Variants in MACROD1 observed in about 807,000 individuals in gnomAD.
MACROD1 encodes mono-ADP ribosylhydrolase 1.
MACROD1 carries 31 observed loss-of-function variants against 41.4 expected under a neutral mutation model. The ratio of observed to expected loss-of-function variants is 0.75; its 90% confidence interval spans 0.56 to 1.01. The LOEUF (loss-of-function observed/expected upper bound fraction) is 1.01, where lower values mean the gene tolerates loss of function less well. Ranked by LOEUF, MACROD1 falls within the 50% of genes least tolerant of loss-of-function variation. MACROD1 has a pLI of 0.00. For synonymous variants in MACROD1, 252 were observed against 203.4 expected (o/e 1.24, Z -2.03); for missense variants, 473 against 460.0 (o/e 1.03, Z -0.26).
At chr11:64,079,274 T>G (rs1471444333) in intron 3 of MACROD1, among the ~76,000 whole-genome samples, 1 of 151,978 alleles carries the variant, frequency 6.6e-6, no homozygotes. Context: ...CTCCCACCTG[T>G]GCTGTGTGCA....
At chr11:64,004,481 G>C (rs1451744297) in intron 4 of MACROD1, among the ~76,000 whole-genome samples, 2 of 152,184 alleles carry the variant, frequency 1.3e-5, no homozygotes, top group African/African-American at 2.4e-5. Context: ...CAAGCAGGCA[G>C]GGGCTAATTA....
chr11:64,104,418 T>C (rs547997571), intron 3 of MACROD1, among the ~76,000 whole-genome samples: 1 of 151,838 alleles, frequency 6.6e-6, no homozygotes, highest in Non-Finnish European at 1.5e-5. Flanking sequence ...GTGGTCCCCG[T>C]GCTGCTGGGC....
intron 3 of MACROD1, among the ~76,000 whole-genome samples, chr11:64,110,748 G>A (rs371151410): frequency 3.9e-5 from 6 of 152,174 alleles, no homozygotes; most frequent in Non-Finnish European, 5.9e-5. Flanking sequence ...ACGCAAGGGC[G>A]ACAAGCGATC....
In MACROD1 at chr11:64,064,670, C is replaced by T. The variant is rs2622417; in HGVS notation, c.518-49389G>A. Among the ~76,000 whole-genome samples the T allele has an allele frequency of 2.9e-4, 39 of 136,340 alleles. No homozygotes were observed. The highest frequency in any genetic ancestry group is 3.5e-3 in the Middle Eastern group (1 of 288). 89.4% of individuals were successfully genotyped at this position (136,340 alleles called of 152,430 possible). A position where few individuals can be genotyped will look rare whatever the true frequency, so the allele number is the denominator to read the frequency against. On this transcript the variant is annotated intron_variant, in intron 3 of 10. Coordinates refer to ENST00000255681, the MANE Select transcript of MACROD1 (RefSeq NM_014067.4). This position sits in a 1 kb window ranked among gnomAD's most constrained non-coding sequence, Gnocchi z 4.5. The stretch of plus-strand genomic sequence containing the variant: ...TAGGGGCCTCTGGCAGGACATTAAA[C>T]GGCACCGAGATAGAAGGAGGGGGGC...
chr11:64,059,372 A>G (rs1229968012), intron 3 of MACROD1, among the ~76,000 whole-genome samples: 1 of 152,198 alleles, frequency 6.6e-6, no homozygotes, highest in Non-Finnish European at 1.5e-5. Flanking sequence ...AGAGGCTCGC[A>G]GCCCAGCAGG....
Position 64,116,361 on chromosome 11 carries a change from C to G in MACROD1, c.517+34878G>C, listed in dbSNP as rs1042224142. On this transcript the variant is annotated intron_variant, in intron 3 of 10. Transcript: ENST00000255681. Reference sequence around the variant, plus strand: ...GATGACCACGGCCACCATGGACCTGCGGGACTGGCTGTTCCTCTGCTACGG... The same window carrying G: ...GATGACCACGGCCACCATGGACCTGGGGGACTGGCTGTTCCTCTGCTACGG... The G allele has an allele frequency of 3.1e-6, 5 of 1,612,958 alleles. No individual in the cohort carries two copies. Among genetic ancestry groups the G allele is most frequent in the Non-Finnish European group, 3.4e-6 (4 of 1,179,760 alleles).
At chr11:64,058,159 G>A (rs1565213112) in intron 3 of MACROD1, among the ~76,000 whole-genome samples, 2 of 152,256 alleles carry the variant, frequency 1.3e-5, no homozygotes. Context: ...TGGGATAGAC[G>A]GTGGAATGCT....
At chr11:64,071,927 T>G (rs913309157) in intron 3 of MACROD1, among the ~76,000 whole-genome samples, 1 of 152,150 alleles carries the variant, frequency 6.6e-6, no homozygotes, top group African/African-American at 2.4e-5. Context: ...CCAGTGACAC[T>G]TCTAGGTCCC....
intron 3 of MACROD1, among the ~76,000 whole-genome samples, chr11:64,128,948 G>A (rs1328412013): frequency 1.3e-5 from 2 of 152,226 alleles, no homozygotes; most frequent in Non-Finnish European, 2.9e-5. Context: ...TGAGTACAAG[G>A]AGGATGATTC....
intron 10 of MACROD1, 68 bp downstream of exon 10, chr11:63,998,770 G>C: frequency 7.0e-7 from 1 of 1,436,418 alleles, no homozygotes; most frequent in Non-Finnish European, 9.1e-7. Flanking sequence ...CTGCTTGGGG[G>C]TGAGCGGGGG....
intron 1 of MACROD1, among the ~76,000 whole-genome samples, chr11:64,164,378 G>A (rs781510153): frequency 1.3e-5 from 2 of 152,226 alleles, no homozygotes; most frequent in South Asian, 2.1e-4. Context: ...GGCAGCCCTC[G>A]AGCAGGTGCC....
intron 3 of MACROD1, among the ~76,000 whole-genome samples, chr11:64,113,560 G>GGGCA (rs1944901415): frequency 6.7e-6 from 1 of 149,450 alleles, no homozygotes; most frequent in African/African-American, 2.5e-5. Flanking sequence ...ATGGATGGAT[G>GGGCA]GACAGGTGGA....
At chr11:64,092,021 T>C (rs1319333750) in intron 3 of MACROD1, among the ~76,000 whole-genome samples, 1 of 152,144 alleles carries the variant, frequency 6.6e-6, no homozygotes, top group Non-Finnish European at 1.5e-5. Context: ...CCCCACGTGA[T>C]CTCAGCTCCT....
rs954129306 is a variant in MACROD1, at chr11:64,122,699, C to T, written c.517+28540G>A. Among the ~76,000 whole-genome samples, 1 of 152,182 alleles carries T rather than the reference C, an allele frequency of 6.6e-6. No homozygotes were observed. Among genetic ancestry groups the T allele is most frequent in the Non-Finnish European group, 1.5e-5 (1 of 68,032 alleles). On this transcript the variant is annotated intron_variant, in intron 3 of 10. Coordinates refer to ENST00000255681, the MANE Select transcript of MACROD1 (RefSeq NM_014067.4). The surrounding 1 kb of genome is among the most constrained non-coding windows in gnomAD (Gnocchi z 4.0). ...TGTGCTAGGGAGGGGTCCAGCGTCA[C>T]TCAGGAAACTGGTGCTCCAGAGGCC...
chr11:64,046,291 G>A (rs1037822444), intron 3 of MACROD1, among the ~76,000 whole-genome samples: 1 of 152,206 alleles, frequency 6.6e-6, no homozygotes. Context: ...GAACCTTCTA[G>A]TAGCAAACTT....
chr11:64,120,617 A>G lies in MACROD1; in HGVS notation c.517+30622T>C, dbSNP rs1016112006. Among the ~76,000 whole-genome samples, 4 of 152,076 alleles carry G rather than the reference A, an allele frequency of 2.6e-5. No individual in the cohort carries two copies. The highest frequency in any genetic ancestry group is 5.9e-5 in the Non-Finnish European group (4 of 68,000). ...GGAGAATCGCTTGAACCAGGGAGGC[A>G]GAGGCTGCAGTGAACCGAGATTGCG... On this transcript the variant is annotated intron_variant, in intron 3 of 10. Transcript: ENST00000255681. The surrounding 1 kb of genome is among the most constrained non-coding windows in gnomAD (Gnocchi z 4.5).
chr11:64,135,062 C>T (rs2015226), intron 3 of MACROD1, among the ~76,000 whole-genome samples: 25,065 of 152,228 alleles, frequency 0.16, 2,310 homozygotes, highest in Admixed American at 0.28. Context: ...AGGGCCCCTG[C>T]CAGGCCTGCA....
Position 64,166,108 on chromosome 11 carries a change from C to T in MACROD1, c.-114G>A. On this transcript the variant is annotated 5_prime_UTR_variant, in exon 1 of 11. Coordinates refer to ENST00000255681, the MANE Select transcript of MACROD1 (RefSeq NM_014067.4). Reference sequence around the variant, plus strand: ...GTGGCGACTGCCAGCCAGCGGCGACCTGCTCGGAGCCAGCGGGAGGCGCGG... The same window carrying T: ...GTGGCGACTGCCAGCCAGCGGCGACTTGCTCGGAGCCAGCGGGAGGCGCGG... The T allele has an allele frequency of 2.6e-6, 3 of 1,161,018 alleles. No individual in the cohort carries two copies. Among genetic ancestry groups the T allele is most frequent in the Non-Finnish European group, 3.2e-6 (3 of 924,714 alleles). The allele number at this position is 1,161,018 out of a possible 1,614,324, so 71.9% of individuals were successfully genotyped here.
At chr11:64,138,116 T>C (rs1945356523) in intron 3 of MACROD1, among the ~76,000 whole-genome samples, 1 of 152,142 alleles carries the variant, frequency 6.6e-6, no homozygotes, top group South Asian at 2.1e-4. Context: ...GGGAGAGGTG[T>C]ATCCCGGCCA....
Sources: allele counts gnomAD v4.1 joint callset (sites outside exome capture counted in the v4.1 genomes callset), GRCh38; gene constraint gnomAD v4.1.1; non-coding constraint Gnocchi (gnomAD v3.1); transcripts MANE v1.5; gene names NCBI Gene and HGNC (gene_info 2026-07-23, HGNC 2026-07-21).